LOC400499: variants seen among roughly 807,000 people sequenced by gnomAD.
the LOC400499 span, among the ~76,000 whole-genome samples, chr16:11,444,488 A>G: frequency 6.6e-6 from 1 of 152,230 alleles, no homozygotes; most frequent in East Asian, 1.9e-4. Flanking sequence ...CTGTTGGGAC[A>G]CAGCCACGCC....
chr16:11,527,503 G>A, the LOC400499 span, among the ~76,000 whole-genome samples: 4 of 152,194 alleles, frequency 2.6e-5, no homozygotes, highest in Non-Finnish European at 5.9e-5. Flanking sequence ...AGGCAAGACG[G>A]TGTAGTGGTT....
At chr16:11,462,264 C>T in the LOC400499 span, 4 of 1,521,470 alleles carry the variant, frequency 2.6e-6, no homozygotes, top group Non-Finnish European at 3.5e-6. Flanking sequence ...TGGAACCGCT[C>T]AGCCTCGCCA....
the LOC400499 span, among the ~76,000 whole-genome samples, chr16:11,412,464 C>T: frequency 6.6e-6 from 1 of 152,220 alleles, no homozygotes; most frequent in Non-Finnish European, 1.5e-5. Context: ...CTTACTCACC[C>T]CCTCCCTCAC....
chr16:11,374,996 G>A, the LOC400499 span, among the ~76,000 whole-genome samples: 103 of 151,888 alleles, frequency 6.8e-4, no homozygotes, highest in East Asian at 1.8e-3. Flanking sequence ...TTACAGGCCT[G>A]CACCACCACA....
the LOC400499 span, chr16:11,412,986 T>G: frequency 2.5e-6 from 1 of 399,012 alleles, no homozygotes; most frequent in Non-Finnish European, 4.4e-6. Context: ...GATGTGTGGG[T>G]GTACATAGCC....
At chr16:11,469,407 A>T in the LOC400499 span, 1,320 of 398,872 alleles carry the variant, frequency 3.3e-3, 22 homozygotes, top group East Asian at 0.03. Flanking sequence ...TGACCTCAGG[A>T]GGTCACAGAC....
chr16:11,421,797 T>C, the LOC400499 span, among the ~76,000 whole-genome samples: 2 of 152,190 alleles, frequency 1.3e-5, no homozygotes, highest in African/African-American at 2.4e-5. Flanking sequence ...GGACTACTAA[T>C]GTACTGATGG....
At chr16:11,429,021 T>C in the LOC400499 span, among the ~76,000 whole-genome samples, 2 of 151,952 alleles carry the variant, frequency 1.3e-5, no homozygotes, top group Non-Finnish European at 2.9e-5. Context: ...TCATGACAGA[T>C]TACTGAATAA....
At chr16:11,483,774 C>G in the LOC400499 span, among the ~76,000 whole-genome samples, 1 of 151,034 alleles carries the variant, frequency 6.6e-6, no homozygotes, top group Admixed American at 6.6e-5. Context: ...ACTCCGGAAG[C>G]TGAGGTGGAA....
the LOC400499 span, chr16:11,399,294 A>C: frequency 8.3e-6 from 8 of 958,512 alleles, no homozygotes; most frequent in Non-Finnish European, 9.9e-6. Flanking sequence ...ACCACATCCC[A>C]GTTAGGAAGG....
At chr16:11,375,400 G>A in the LOC400499 span, among the ~76,000 whole-genome samples, 2 of 135,938 alleles carry the variant, frequency 1.5e-5, no homozygotes, top group Admixed American at 7.4e-5. Context: ...TGCAACCTCT[G>A]CCTCCCGTGT....
chr16:11,402,400 C>G, the LOC400499 span: 1 of 374,066 alleles, frequency 2.7e-6, no homozygotes, highest in Non-Finnish European at 4.7e-6. Flanking sequence ...GACTCTGAGG[C>G]TCCTCCAAGA....
chr16:11,386,410 A>G, the LOC400499 span, among the ~76,000 whole-genome samples: 1 of 152,230 alleles, frequency 6.6e-6, no homozygotes. Flanking sequence ...CACACATGGA[A>G]CTTGAAGACC....
At chr16:11,490,541 A>T in the LOC400499 span, among the ~76,000 whole-genome samples, 34,824 of 151,908 alleles carry the variant, frequency 0.23, 4,084 homozygotes, top group East Asian at 0.31. Context: ...CTACTAAAAG[A>T]ATACAAAAAA....
At chr16:11,397,085 C>T in the LOC400499 span, among the ~76,000 whole-genome samples, 3 of 152,124 alleles carry the variant, frequency 2.0e-5, no homozygotes, top group Admixed American at 6.5e-5. Context: ...TTTGTTGTAT[C>T]GTCCTGGCCC....
chr16:11,490,798 A>G, the LOC400499 span, among the ~76,000 whole-genome samples: 44 of 152,232 alleles, frequency 2.9e-4, 1 homozygote, highest in Non-Finnish European at 1.2e-4. Context: ...ATGTTTACCT[A>G]TGTATTACAA....
the LOC400499 span, chr16:11,461,231 C>G: frequency 1.5e-6 from 2 of 1,337,246 alleles, no homozygotes; most frequent in Non-Finnish European, 2.0e-6. Flanking sequence ...GGGTTGGGGG[C>G]TCCTTGAAGA....
At chr16:11,487,745 C>G in the LOC400499 span, among the ~76,000 whole-genome samples, 1 of 103,998 alleles carries the variant, frequency 9.6e-6, no homozygotes, top group African/African-American at 3.7e-5. Context: ...GGGCTAATCT[C>G]TTTTCTTAAC....
At chr16:11,486,321 A>T in the LOC400499 span, among the ~76,000 whole-genome samples, 9,724 of 107,898 alleles carry the variant, frequency 0.09, 1,095 homozygotes, top group Non-Finnish European at 0.1. Context: ...TAGACAGATG[A>T]TGGGTGGGTA....
Sources: gnomAD v4.1 joint callset for allele counts (sites outside exome capture counted in the v4.1 genomes callset) on GRCh38, gnomAD v4.1.1 for gene constraint, MANE v1.5 for transcripts.